The following TTLL5 variants were observed in gnomAD, a reference collection of about 807,000 sequenced individuals.
TTLL5 encodes tubulin polyglutamylase TTLL5.
TTLL5 carries 132 observed loss-of-function variants against 168.4 expected under a neutral mutation model. The observed-to-expected ratio is 0.78, with a 90% CI of 0.68 to 0.91. TTLL5 has a LOEUF of 0.91. Among genes scored for constraint, TTLL5 ranks in the 40% least tolerant of loss-of-function variants. The pLI, the probability that TTLL5 is intolerant of heterozygous loss-of-function variation, is 0.00. For missense variants in TTLL5, 1,545 were observed against 1,581.5 expected (o/e 0.98, Z 0.39); for synonymous variants, 546 against 558.6 (o/e 0.98, Z 0.32).
chr14:75,691,715 GTT>G (rs751990361), intron 6 of TTLL5, among the ~76,000 whole-genome samples: 8 of 152,212 alleles, frequency 5.3e-5, no homozygotes, highest in Non-Finnish European at 1.0e-4. Context: ...AGAGAGGACA[GTT>G]TTCCTCCCAA....
intron 17 of TTLL5, among the ~76,000 whole-genome samples, chr14:75,750,234 A>G (rs952927189): frequency 2.0e-5 from 3 of 152,000 alleles, no homozygotes; most frequent in Non-Finnish European, 4.4e-5. Flanking sequence ...AAGACACGTT[A>G]GGGCATATCA....
At chr14:75,856,037 T>A (rs1475985993) in intron 28 of TTLL5, among the ~76,000 whole-genome samples, 1 of 152,174 alleles carries the variant, frequency 6.6e-6, no homozygotes, top group Non-Finnish European at 1.5e-5. Flanking sequence ...TGCACAAGGA[T>A]GTAAAGGAAA....
At chr14:75,890,894 T>C (rs2032369812) in intron 30 of TTLL5, among the ~76,000 whole-genome samples, 1 of 152,176 alleles carries the variant, frequency 6.6e-6, no homozygotes, top group Admixed American at 6.5e-5. Flanking sequence ...TAATTTTTTG[T>C]ATTTTTAGTA....
Position 75,717,272 on chromosome 14 carries a change from G to A in TTLL5, c.741-589G>A, listed in dbSNP as rs546536603. On this transcript the variant is annotated intron_variant, in intron 9 of 31. Coordinates refer to ENST00000298832, the MANE Select transcript of TTLL5 (RefSeq NM_015072.5). ...TGGGACTACAGGTGCACACTACCAC[G>A]CCTGCTTAATTTTTTAATTTTTTGT... 1.7e-3 allele frequency among the ~76,000 whole-genome samples: 264 copies of A among 151,900 alleles called. 2 individuals carry two copies. The highest frequency in any genetic ancestry group is 0.01 in the Middle Eastern group (3 of 294).
chr14:75,712,943 A>G (rs940158972), intron 9 of TTLL5, among the ~76,000 whole-genome samples: 5 of 152,198 alleles, frequency 3.3e-5, no homozygotes, highest in South Asian at 2.1e-4. Context: ...ATATTCATCA[A>G]TAGGCTGCAA....
chr14:75,913,428 A>G (rs981496691), intron 31 of TTLL5, among the ~76,000 whole-genome samples: 1 of 152,104 alleles, frequency 6.6e-6, no homozygotes, highest in African/African-American at 2.4e-5. Context: ...ATACTCTAGG[A>G]TCTTTATGGT....
chr14:75,857,402 T>TAGAC (rs1042507961), intron 28 of TTLL5, among the ~76,000 whole-genome samples: 4 of 151,956 alleles, frequency 2.6e-5, no homozygotes. Flanking sequence ...GATAGATAGA[T>TAGAC]AGATAGATAG....
At chr14:75,851,760 A>ATAGTT in intron 28 of TTLL5, among the ~76,000 whole-genome samples, 1 of 152,264 alleles carries the variant, frequency 6.6e-6, no homozygotes, top group East Asian at 1.9e-4. Context: ...TTTGGATCCA[A>ATAGTT]TAGTTTGGCT....
intron 28 of TTLL5, among the ~76,000 whole-genome samples, chr14:75,854,637 A>T (rs1238444163): frequency 6.6e-6 from 1 of 152,194 alleles, no homozygotes; most frequent in East Asian, 1.9e-4. Context: ...TCAGCAATGT[A>T]TGAAAGTTCT....
At chr14:75,678,123 A>G (rs1884325874) in intron 3 of TTLL5, among the ~76,000 whole-genome samples, 1 of 152,154 alleles carries the variant, frequency 6.6e-6, no homozygotes, top group Non-Finnish European at 1.5e-5. Flanking sequence ...CATGTGCAAA[A>G]ATGTTAGTGA....
At chr14:75,843,146 A>G (rs1896348664) in intron 28 of TTLL5, among the ~76,000 whole-genome samples, 1 of 152,194 alleles carries the variant, frequency 6.6e-6, no homozygotes. Context: ...TCCTTGTGAC[A>G]GATAGGATTC....
chr14:75,947,635 A>G (rs2034816262), intron 31 of TTLL5, among the ~76,000 whole-genome samples: 1 of 152,178 alleles, frequency 6.6e-6, no homozygotes, highest in Non-Finnish European at 1.5e-5. Flanking sequence ...ATAATAAGTA[A>G]TGTTTCTGAT....
chr14:75,707,779 T>C, intron 9 of TTLL5, 72 bp downstream of exon 9: 1 of 1,194,038 alleles, frequency 8.4e-7, no homozygotes, highest in South Asian at 1.3e-5. Flanking sequence ...GTGGATCCAT[T>C]AACAAGTTTA....
intron 28 of TTLL5, among the ~76,000 whole-genome samples, chr14:75,861,493 G>C (rs1213791887): frequency 1.3e-5 from 2 of 152,182 alleles, no homozygotes; most frequent in Non-Finnish European, 2.9e-5. Flanking sequence ...TTTAGGTGAG[G>C]ACTCTGGAAG....
chr14:75,767,075 A>C (rs1891007429), intron 20 of TTLL5, among the ~76,000 whole-genome samples: 1 of 152,034 alleles, frequency 6.6e-6, no homozygotes, highest in African/African-American at 2.4e-5. Flanking sequence ...AAGCAGGAGA[A>C]TTGCTTGAAC....
rs778792332 is a variant in TTLL5 at position 75,874,933 on chromosome 14, C to CCTTTTTTTTTTTTTTTTTTTTTTTTTT, written c.3523-7752_3523-7751insCTTTTTTTTTTTTTTTTTTTTTTTTTT. Among the ~76,000 whole-genome samples the CCTTTTTTTTTTTTTTTTTTTTTTTTTT allele has an allele frequency of 3.0e-4, 29 of 97,538 alleles. 12 individuals are homozygous for CCTTTTTTTTTTTTTTTTTTTTTTTTTT. The highest frequency in any genetic ancestry group is 1.4e-3 in the African/African-American group (28 of 20,374). 64.0% of individuals were successfully genotyped at this position (97,538 alleles called of 152,430 possible). A position where few individuals can be genotyped will look rare whatever the true frequency, so the allele number is the denominator to read the frequency against. On this transcript the variant is annotated intron_variant, in intron 29 of 31. Coordinates refer to ENST00000298832, the MANE Select transcript of TTLL5 (RefSeq NM_015072.5). ...AGAGAAAAAAAAAGACACTGGGGGC[C>CCTTTTTTTTTTTTTTTTTTTTTTTTTT]TTTTTTTTTTTTTTTTTTGAGACGG... is the stretch of plus-strand genomic sequence containing the variant.
chr14:75,850,852 A>G (rs1896805277), intron 28 of TTLL5, among the ~76,000 whole-genome samples: 1 of 152,164 alleles, frequency 6.6e-6, no homozygotes, highest in Non-Finnish European at 1.5e-5. Context: ...TCATGCCTGT[A>G]ATCCCAGCAC....
At chr14:75,918,674 A>G (rs1272556550) in intron 31 of TTLL5, among the ~76,000 whole-genome samples, 1 of 152,242 alleles carries the variant, frequency 6.6e-6, no homozygotes, top group Non-Finnish European at 1.5e-5. Context: ...TGCTCTGAGT[A>G]CAATATAAAA....
At chr14:75,662,619 G>A (rs908574818) in intron 1 of TTLL5, among the ~76,000 whole-genome samples, 7 of 151,852 alleles carry the variant, frequency 4.6e-5, no homozygotes, top group Non-Finnish European at 8.8e-5. Context: ...GATTACAGGC[G>A]TGAGCCACCC....
Sources: allele counts gnomAD v4.1 joint callset (sites outside exome capture counted in the v4.1 genomes callset), GRCh38; gene constraint gnomAD v4.1.1; transcripts MANE v1.5; gene names NCBI Gene and HGNC (gene_info 2026-07-23, HGNC 2026-07-21).